Variants in LMX1B observed in about 807,000 individuals in gnomAD.
The protein encoded by LMX1B is LIM homeobox transcription factor 1-beta.
In LMX1B, 12 loss-of-function variants were observed where a neutral mutation model predicts 51.4. The ratio of observed to expected loss-of-function variants is 0.23; its 90% CI spans 0.15 to 0.38. The LOEUF (loss-of-function observed/expected upper bound fraction) is 0.38, where lower values mean the gene tolerates loss of function less well. Ranked by LOEUF, LMX1B falls within the 10% of genes least tolerant of loss-of-function variation. The pLI, the probability that LMX1B is intolerant of heterozygous loss-of-function variation, is 1.00. For missense variants in LMX1B, 445 were observed against 571.1 expected, an observed-to-expected ratio of 0.78 and a Z score of 2.25; for synonymous variants, 237 against 235.4, an observed-to-expected ratio of 1.01 and a Z score of -0.06.
chr9:126,668,952 C>T (rs1057335707), intron 2 of LMX1B, among the ~76,000 whole-genome samples: 2 of 152,214 alleles, frequency 1.3e-5, no homozygotes, highest in African/African-American at 2.4e-5. Context: ...CCCTTTGTTA[C>T]GCCTTCAAGA....
chr9:126,633,472 G>T (rs1835664958), intron 2 of LMX1B, among the ~76,000 whole-genome samples: 1 of 152,210 alleles, frequency 6.6e-6, no homozygotes, highest in African/African-American at 2.4e-5. Flanking sequence ...TGGCATGGGT[G>T]GGTGGGTTGC....
rs978239333 is a variant in LMX1B at position 126,615,712 on chromosome 9, C to T, written c.326+143C>T. 2.7e-6 allele frequency: 2 copies of T among 728,332 alleles called. No homozygotes were observed. The highest frequency in any genetic ancestry group is 2.1e-6 in the Non-Finnish European group (1 of 483,186). The allele number at this position is 728,332 out of a possible 1,614,324, so 45.1% of individuals were successfully genotyped here. On this transcript the variant is annotated intron_variant, in intron 2 of 7. Transcript: ENST00000373474. This position sits in a 1 kb window ranked among gnomAD's most constrained non-coding sequence, Gnocchi z 6.0. ...AGCTCCAAGGGTTCCGAGAGCTGCG[C>T]GTCTTGGGGCTGGGGCGGACCAGCC...
Position 126,690,983 on chromosome 9 carries a change from C to A in LMX1B, c.474C>A (p.Leu158=). 1 of 1,613,972 alleles carries A rather than the reference C, an allele frequency of 6.2e-7. No individual in the cohort carries two copies. Among genetic ancestry groups the A allele is most frequent in the African/African-American group, 1.3e-5 (1 of 74,930 alleles). The stretch of plus-strand genomic sequence containing the variant: ...TACGCAAGGGCGACGAATTCGTGCT[C>A]AAGGAGGGCCAGCTGCTGTGCAAGG... ...RQLRKGDEFV[L]KEGQLLCKGD... Residue 158 remains leucine (L), a synonymous_variant, in exon 3 of 8, where the codon CTC becomes CTA. Transcript: ENST00000373474.
chr9:126,631,358 A>G (rs148419638), intron 2 of LMX1B, among the ~76,000 whole-genome samples: 431 of 152,360 alleles, frequency 2.8e-3, no homozygotes, highest in African/African-American at 0.01. Context: ...TCAGGGACTC[A>G]ACCCTGTGTT....
In LMX1B at chr9:126,695,763, C is replaced by T; in HGVS notation, c.887-76C>T. On this transcript the variant is annotated intron_variant, in intron 6 of 7. Transcript: ENST00000373474. This position sits in a 1 kb window ranked among gnomAD's most constrained non-coding sequence, Gnocchi z 5.2. The stretch of plus-strand genomic sequence containing the variant: ...GGTGCCTGGGGAGTCCCAAGGAGAT[C>T]AGAAGGGGAGGCTGCTGGGGTGTAG... The T allele has an allele frequency of 6.4e-7, 1 of 1,557,776 alleles. No individual in the cohort carries two copies. Among genetic ancestry groups the T allele is most frequent in the Non-Finnish European group, 8.8e-7 (1 of 1,138,948 alleles).
At chr9:126,640,042 T>C (rs575328432) in intron 2 of LMX1B, among the ~76,000 whole-genome samples, 234 of 152,328 alleles carry the variant, frequency 1.5e-3, no homozygotes, top group African/African-American at 5.3e-3. Context: ...ACGCAGTTAA[T>C]GCGGGTGGCG....
chr9:126,687,692 C>T (rs1019110911), intron 2 of LMX1B, among the ~76,000 whole-genome samples: 1 of 152,216 alleles, frequency 6.6e-6, no homozygotes, highest in Non-Finnish European at 1.5e-5. Flanking sequence ...CAGTGTTGTC[C>T]AGCCCATTGT....
chr9:126,614,712 A>G (rs987042553), intron 1 of LMX1B, 124 bp downstream of exon 1: 9 of 1,117,062 alleles, frequency 8.1e-6, no homozygotes, highest in Non-Finnish European at 7.3e-6. Flanking sequence ...GGGAGGAGGC[A>G]GAGACAGGAC....
At chr9:126,652,523 T>G (rs1198402384) in intron 2 of LMX1B, among the ~76,000 whole-genome samples, 1 of 152,360 alleles carries the variant, frequency 6.6e-6, no homozygotes, top group Admixed American at 6.5e-5. Context: ...GCTACGTGAA[T>G]GTGCATCCCA....
chr9:126,614,555 C>A lies in LMX1B; in HGVS notation c.106C>A (p.Arg36Ser). The A allele has an allele frequency of 6.4e-7, 1 of 1,568,570 alleles. No individual in the cohort carries two copies. Among genetic ancestry groups the A allele is most frequent in the South Asian group, 1.2e-5 (1 of 81,876 alleles). ...DGIKMEEHAL[R>S]PGPATLGVLL... is the part of the protein sequence containing the mutation. ...CATCAAGATGGAGGAGCACGCCCTG[C>A]GCCCCGGGCCCGCCACTCTGGGGGT... Residue 36 changes from arginine (R) to serine (S), a missense_variant, in exon 1 of 8, where the codon CGC becomes AGC. By Grantham distance (110) the Arg-to-Ser change is moderately radical. Around this residue, in one of 3 missense-constraint regions of LMX1B, gnomAD observed 273 missense variants for 343.3 expected, o/e 0.80. Transcript: ENST00000373474.
intron 2 of LMX1B, among the ~76,000 whole-genome samples, chr9:126,616,812 G>A (rs2118827603): frequency 6.6e-6 from 1 of 152,362 alleles, no homozygotes; most frequent in Non-Finnish European, 1.5e-5. Flanking sequence ...GCAGGCCAGA[G>A]CCCTAGAGAG....
Position 126,638,572 on chromosome 9 carries a change from T to C in LMX1B, c.326+23003T>C, listed in dbSNP as rs117844756. 5.0e-4 allele frequency among the ~76,000 whole-genome samples: 76 copies of C among 151,876 alleles called. 5 individuals are homozygous for C. The East Asian group carries it at 0.015, about 29-fold the overall frequency. On this transcript the variant is annotated intron_variant, in intron 2 of 7. Coordinates refer to ENST00000373474, the MANE Select transcript of LMX1B (RefSeq NM_001174147.2). ...TGTCTGGGGCTGACAGCGGAGCGAG[T>C]GATTGCCAGGCCCGCTTGGCAGTTT...
At chr9:126,682,894 G>GAAAAA (rs577172677) in intron 2 of LMX1B, among the ~76,000 whole-genome samples, 2,714 of 85,938 alleles carry the variant, frequency 0.032, 86 homozygotes, top group Middle Eastern at 0.075. Context: ...CACTCTGTCT[G>GAAAAA]AAAAAAAAAA....
Position 126,700,809 on chromosome 9 carries a change from T to G in LMX1B, c.*4358T>G, listed in dbSNP as rs999505195. The G allele has an allele frequency of 3.9e-5, 6 of 152,188 alleles. No individual in the cohort carries two copies. The highest frequency in any genetic ancestry group is 1.4e-4 in the African/African-American group (6 of 41,434). The allele number at this position is 152,188 out of a possible 1,614,324, so 9.4% of individuals were successfully genotyped here. On this transcript the variant is annotated 3_prime_UTR_variant, in exon 8 of 8. Coordinates refer to ENST00000373474, the MANE Select transcript of LMX1B (RefSeq NM_001174147.2). ...GGGATGGGCCACCGGCCATTCCTGT[T>G]TTCCTTGTACAGACAGATTCTCACT...
In LMX1B at chr9:126,693,263, C is replaced by T. The variant is rs147071667; in HGVS notation, c.681C>T (p.Thr227=). 3.1e-6 allele frequency: 5 copies of T among 1,611,866 alleles called. No individual in the cohort carries two copies. The highest frequency in any genetic ancestry group is 4.2e-6 in the Non-Finnish European group (5 of 1,179,314). Residue 227 remains threonine (T), a synonymous_variant, in exon 4 of 8, where the codon ACC becomes ACT. Coordinates refer to ENST00000373474, the MANE Select transcript of LMX1B (RefSeq NM_001174147.2). ...CCAAGCGACCCCGGACCATCCTCAC[C>T]ACGCAGCAGCGAAGAGCCTTCAAGG... ...RRPKRPRTIL[T]TQQRRAFKAS...
rs1835986102 is a variant in LMX1B at position 126,650,703 on chromosome 9, G to A, written c.326+35134G>A. On this transcript the variant is annotated intron_variant, in intron 2 of 7. Coordinates refer to ENST00000373474, the MANE Select transcript of LMX1B (RefSeq NM_001174147.2). The stretch of plus-strand genomic sequence containing the variant: ...CCTTCCTGAGGCCAGTGTGGCCGGG[G>A]CAGGCAGGAGCCCGCTAGGAGCCTC... 2.0e-5 allele frequency among the ~76,000 whole-genome samples: 3 copies of A among 152,352 alleles called. No homozygotes were observed. In the East Asian group the frequency reaches 5.8e-4, roughly 29 times the overall value.
At chr9:126,694,719 T>C (rs550989488) in intron 6 of LMX1B, among the ~76,000 whole-genome samples, 3 of 152,284 alleles carry the variant, frequency 2.0e-5, no homozygotes, top group African/African-American at 7.2e-5. Context: ...GGACTTGGCT[T>C]CTAATGACAC....
chr9:126,614,130 G>T lies in LMX1B; in HGVS notation c.-320G>T, dbSNP rs1485117369. Among the ~76,000 whole-genome samples the T allele has an allele frequency of 7.3e-6, 1 of 136,372 alleles. No individual in the cohort carries two copies. Among genetic ancestry groups the T allele is most frequent in the Non-Finnish European group, 1.6e-5 (1 of 63,316 alleles). The allele number at this position is 136,372 out of a possible 152,430, so 89.5% of individuals were successfully genotyped here. ...CGCCGCCACCGCCACCGCCGCCGCCGCCTCCTCCCCGCGGCTCCGTCTGCA... is the reference window on the plus strand; with the variant it reads ...CGCCGCCACCGCCACCGCCGCCGCCTCCTCCTCCCCGCGGCTCCGTCTGCA... On this transcript the variant is annotated 5_prime_UTR_variant, in exon 1 of 8. Coordinates refer to ENST00000373474, the MANE Select transcript of LMX1B (RefSeq NM_001174147.2).
At chr9:126,652,561 C>T (rs1836041627) in intron 2 of LMX1B, among the ~76,000 whole-genome samples, 2 of 152,366 alleles carry the variant, frequency 1.3e-5, no homozygotes, top group South Asian at 2.1e-4. Context: ...GGTCTGTCCT[C>T]CGTGTGTACA....
Sources: gnomAD v4.1 joint callset for allele counts (sites outside exome capture counted in the v4.1 genomes callset) on GRCh38, gnomAD v4.1.1 for gene constraint, gnomAD v4.1.1 regional missense constraint, Gnocchi (gnomAD v3.1) non-coding constraint, MANE v1.5 for transcripts, NCBI Gene and HGNC (gene_info 2026-07-23, HGNC 2026-07-21) for gene names.